ADAMTS2: variants seen among roughly 807,000 people sequenced by gnomAD.
ADAMTS2 encodes the protein A disintegrin and metalloproteinase with thrombospondin motifs 2.
In ADAMTS2, 50 loss-of-function variants were observed where a neutral mutation model predicts 123.0. The observed-to-expected ratio is 0.41, with a 90% CI of 0.32 to 0.51. The LOEUF (loss-of-function observed/expected upper bound fraction) is 0.51. Among genes scored for constraint, ADAMTS2 ranks in the 20% least tolerant of loss-of-function variants. ADAMTS2 has a pLI of 0.35. For missense variants in ADAMTS2, 1,494 were observed against 1,705.2 expected, an observed-to-expected ratio of 0.88 and a Z score of 2.18; for synonymous variants, 678 against 695.4, an observed-to-expected ratio of 0.98 and a Z score of 0.39.
chr5:179,251,122 A>T (rs1765913109), intron 3 of ADAMTS2, among the ~76,000 whole-genome samples: 1 of 152,176 alleles, frequency 6.6e-6, no homozygotes, highest in Non-Finnish European at 1.5e-5. Flanking sequence ...CCTGGGTTCA[A>T]ATCCCAGATC....
chr5:179,314,954 G>A lies in ADAMTS2; in HGVS notation c.534+28813C>T, dbSNP rs982199642. ...GACATTAAGCGACTCCCCTCCCAGA[G>A]CCTAATCACAGCCAGCTACGCCCCC... On this transcript the variant is annotated intron_variant, in intron 2 of 21. Coordinates refer to ENST00000251582, the MANE Select transcript of ADAMTS2 (RefSeq NM_014244.5). The surrounding 1 kb of genome is among the most constrained non-coding windows in gnomAD (Gnocchi z 4.5). Among the ~76,000 whole-genome samples, 49 of 152,054 alleles carry A rather than the reference G, an allele frequency of 3.2e-4. No individual in the cohort carries two copies. Among genetic ancestry groups the A allele is most frequent in the Admixed American group, 6.5e-4 (10 of 15,270 alleles).
At position 179,188,538 on chromosome 5, in the gene ADAMTS2, T is replaced by C. The variant is rs115686017; in HGVS notation, c.892-7383A>G. On this transcript the variant is annotated intron_variant, in intron 4 of 21. Transcript: ENST00000251582. The surrounding 1 kb of genome is among the most constrained non-coding windows in gnomAD (Gnocchi z 5.1). Reference sequence around the variant, plus strand: ...GCAGATCTTCTTCACCCTCGGCTCCTCAGCAGATGCTTCAGAGGGAATGCT... The same window carrying C: ...GCAGATCTTCTTCACCCTCGGCTCCCCAGCAGATGCTTCAGAGGGAATGCT... 0.013 allele frequency among the ~76,000 whole-genome samples: 2,038 copies of C among 152,302 alleles called. 41 individuals are homozygous for C. The highest frequency in any genetic ancestry group is 0.046 in the African/African-American group (1,917 of 41,542).
chr5:179,231,520 A>C (rs940146077), intron 3 of ADAMTS2, among the ~76,000 whole-genome samples: 8 of 152,208 alleles, frequency 5.3e-5, no homozygotes, highest in Non-Finnish European at 1.0e-4. Flanking sequence ...ACAAATCCAC[A>C]CTTGCTGAAC....
In ADAMTS2 at chr5:179,130,146, G is replaced by A. The variant is rs754608214; in HGVS notation, c.2291-48C>T. 1.9e-6 allele frequency: 3 copies of A among 1,612,010 alleles called. No individual in the cohort carries two copies. The highest frequency in any genetic ancestry group is 2.2e-5 in the South Asian group (2 of 90,786). Reference sequence around the variant, plus strand: ...CCCCGTTGTGGTCACCCAAGAGCAGGACCCAGGCCCACTGGTTTGGGCTGG... The same window carrying A: ...CCCCGTTGTGGTCACCCAAGAGCAGAACCCAGGCCCACTGGTTTGGGCTGG... On this transcript the variant is annotated intron_variant, in intron 15 of 21. Coordinates refer to ENST00000251582, the MANE Select transcript of ADAMTS2 (RefSeq NM_014244.5). This position sits in a 1 kb window ranked among gnomAD's most constrained non-coding sequence, Gnocchi z 4.3.
chr5:179,280,861 T>G, intron 2 of ADAMTS2, among the ~76,000 whole-genome samples: 1 of 152,138 alleles, frequency 6.6e-6, no homozygotes, highest in Non-Finnish European at 1.5e-5. Flanking sequence ...TCAATGCTTT[T>G]TTTCTTCTTT....
intron 4 of ADAMTS2, among the ~76,000 whole-genome samples, chr5:179,195,167 T>C (rs938408851): frequency 6.6e-6 from 1 of 152,192 alleles, no homozygotes; most frequent in Non-Finnish European, 1.5e-5. Flanking sequence ...GCTCCCCCAG[T>C]GCAGGGATGC....
rs559649819 is a variant in ADAMTS2, at chr5:179,264,122, C to G, written c.688+8789G>C. Among the ~76,000 whole-genome samples the G allele has an allele frequency of 1.5e-4, 23 of 152,270 alleles. No homozygotes were observed. In the South Asian group the frequency reaches 2.7e-3, roughly 18 times the overall value. ...GAGCTTCCTGTCCCCTTCAGATGTC[C>G]CTACAGCTGCCTCTGCAGCCCTGAT... is the stretch of plus-strand genomic sequence containing the variant. On this transcript the variant is annotated intron_variant, in intron 3 of 21. Transcript: ENST00000251582.
intron 2 of ADAMTS2, among the ~76,000 whole-genome samples, chr5:179,283,260 T>C (rs1222349217): frequency 6.6e-6 from 1 of 152,074 alleles, no homozygotes; most frequent in African/African-American, 2.4e-5. Flanking sequence ...AAACTATTCA[T>C]AATTTAACTT....
rs928546757 is a variant in ADAMTS2, at chr5:179,118,055, C to T, written c.3178+3606G>A. 1.3e-4 allele frequency among the ~76,000 whole-genome samples: 20 copies of T among 152,126 alleles called. No individual in the cohort carries two copies. Among genetic ancestry groups the T allele is most frequent in the African/African-American group, 2.9e-4 (12 of 41,424 alleles). On this transcript the variant is annotated intron_variant, in intron 21 of 21. Coordinates refer to ENST00000251582, the MANE Select transcript of ADAMTS2 (RefSeq NM_014244.5). This position sits in a 1 kb window ranked among gnomAD's most constrained non-coding sequence, Gnocchi z 4.5. ...GAGGGGTGGCAGCCCCAGGTGGGGT[C>T]CCCCTTCCACCTGGTCTACATACTG...
chr5:179,115,930 T>A lies in ADAMTS2; in HGVS notation c.3179-1606A>T, dbSNP rs1762649826. On this transcript the variant is annotated intron_variant, in intron 21 of 21. Coordinates refer to ENST00000251582, the MANE Select transcript of ADAMTS2 (RefSeq NM_014244.5). This position sits in a 1 kb window ranked among gnomAD's most constrained non-coding sequence, Gnocchi z 4.4. The stretch of plus-strand genomic sequence containing the variant: ...TGACAGACCACCAGCTCCAAACCCC[T>A]GAAGCTTCAGACTTGCTACAAGCCA... Among the ~76,000 whole-genome samples, 1 of 151,956 alleles carries A rather than the reference T, an allele frequency of 6.6e-6. No individual in the cohort carries two copies. The highest frequency in any genetic ancestry group is 6.6e-5 in the Admixed American group (1 of 15,252).
At chr5:179,215,087 A>G (rs908730730) in intron 3 of ADAMTS2, among the ~76,000 whole-genome samples, 1 of 152,222 alleles carries the variant, frequency 6.6e-6, no homozygotes, top group African/African-American at 2.4e-5. Context: ...TGTATTATAA[A>G]ATAATATTAA....
At chr5:179,302,763 G>T (rs1238977616) in intron 2 of ADAMTS2, among the ~76,000 whole-genome samples, 1 of 152,042 alleles carries the variant, frequency 6.6e-6, no homozygotes, top group Non-Finnish European at 1.5e-5. Flanking sequence ...TGACACTGGA[G>T]CTGAGGCCTA....
chr5:179,157,787 C>T (rs969780658), intron 6 of ADAMTS2, among the ~76,000 whole-genome samples: 1 of 152,190 alleles, frequency 6.6e-6, no homozygotes, highest in African/African-American at 2.4e-5. Flanking sequence ...CATTATCTGA[C>T]TGGATTGTCT....
intron 2 of ADAMTS2, among the ~76,000 whole-genome samples, chr5:179,273,345 A>G (rs996684557): frequency 5.9e-5 from 9 of 152,140 alleles, no homozygotes; most frequent in African/African-American, 2.2e-4. Flanking sequence ...CTGTGTTTAT[A>G]AAGTCAAAAC....
rs1222378770 is a variant in ADAMTS2, at chr5:179,132,774, C to T, written c.2209+3G>A. 6.2e-7 allele frequency: 1 copy of T among 1,614,104 alleles called. No homozygotes were observed. The highest frequency in any genetic ancestry group is 1.1e-5 in the South Asian group (1 of 91,072). ...CCAGGGTGGAGAGCAGGGACCCACT[C>T]ACCATGCTTCTTGGGTGACCGTGTG... On this transcript the variant is annotated splice_donor_region_variant and intron_variant, in intron 14 of 21. Coordinates refer to ENST00000251582, the MANE Select transcript of ADAMTS2 (RefSeq NM_014244.5). The surrounding 1 kb of genome is among the most constrained non-coding windows in gnomAD (Gnocchi z 6.1).
chr5:179,207,471 A>ACCCGGCCCCCC, intron 4 of ADAMTS2, 42 bp downstream of exon 4: 3 of 1,026,470 alleles, frequency 2.9e-6, no homozygotes, highest in Non-Finnish European at 3.0e-6. Flanking sequence ...CCCCTGGTTG[A>ACCCGGCCCCCC]CCCTCCCCGC....
In ADAMTS2 at chr5:179,154,112, T is replaced by C. The variant is rs1437871818; in HGVS notation, c.1319A>G (p.Gln440Arg). 6.3e-7 allele frequency: 1 copy of C among 1,599,354 alleles called. No individual in the cohort carries two copies. The highest frequency in any genetic ancestry group is 8.5e-7 in the Non-Finnish European group (1 of 1,177,178). ...RLGSIMAPLV[Q>R]AAFHRFHWSR... ...CCAGTGGAAGCGGTGGAAGGCGGCC[T>C]GCACCAGGGGCGCCATGATGCTGCC... Residue 440 changes from glutamine to arginine, a missense_variant, in exon 8 of 22, where the codon CAG becomes CGG. Coordinates refer to ENST00000251582, the MANE Select transcript of ADAMTS2 (RefSeq NM_014244.5).
At chr5:179,232,667 C>G (rs569105025) in intron 3 of ADAMTS2, among the ~76,000 whole-genome samples, 1 of 152,308 alleles carries the variant, frequency 6.6e-6, no homozygotes, top group African/African-American at 2.4e-5. Flanking sequence ...TCCTGCCACT[C>G]AGACGATTCC....
chr5:179,306,408 C>T (rs1756675007), intron 2 of ADAMTS2, among the ~76,000 whole-genome samples: 1 of 152,184 alleles, frequency 6.6e-6, no homozygotes, highest in Non-Finnish European at 1.5e-5. Flanking sequence ...TGATATGATT[C>T]ATTCATGACT....
Sources: gnomAD v4.1 joint callset for allele counts (sites outside exome capture counted in the v4.1 genomes callset) on GRCh38, gnomAD v4.1.1 for gene constraint, Gnocchi (gnomAD v3.1) non-coding constraint, MANE v1.5 for transcripts, NCBI Gene and HGNC (gene_info 2026-07-23, HGNC 2026-07-21) for gene names.